CLPX: variants seen among roughly 807,000 people sequenced by gnomAD.
The protein encoded by CLPX is ATP-dependent clpX-like chaperone, mitochondrial.
Under a neutral mutation model 76.4 loss-of-function variants are expected in CLPX, and 34 were observed. That is an observed-to-expected ratio of 0.45 (90% CI 0.34 to 0.59). CLPX has a LOEUF of 0.59. Among genes scored for constraint, CLPX ranks in the 20% least tolerant of loss-of-function variants. The pLI is 0.01. For synonymous variants in CLPX, 248 were observed against 270.9 expected (o/e 0.92, Z 0.83); for missense variants, 613 against 757.0 (o/e 0.81, Z 2.23).
rs1354393485 is a variant in CLPX, at chr15:65,149,681, G to GA, written c.*1141dup. On this transcript the variant is annotated 3_prime_UTR_variant, in exon 14 of 14. Coordinates refer to ENST00000300107, the MANE Select transcript of CLPX (RefSeq NM_006660.5). ...TACAGACTAGCCTGGCCAACAGGGTGAAACCCTGTCTCTACTAAAAATACA... is the reference window on the plus strand; with the variant it reads ...TACAGACTAGCCTGGCCAACAGGGTGAAAACCCTGTCTCTACTAAAAATACA... The GA allele has an allele frequency of 2.8e-6, 1 of 355,608 alleles. No individual in the cohort carries two copies. The highest frequency in any genetic ancestry group is 5.4e-6 in the Non-Finnish European group (1 of 184,442). 22.0% of individuals were successfully genotyped at this position (355,608 alleles called of 1,614,324 possible).
rs763423264 is a variant in CLPX at position 65,185,124 on chromosome 15, G to A, written c.30C>T (p.Gly10=). Residue 10 remains glycine (G), a synonymous_variant, in exon 1 of 14, where the codon GGC becomes GGT. Transcript: ENST00000300107. The part of the protein sequence containing the change: MPSCGACTC[G]AAAVRLITSS... ...AGGTGATGAGCCGGACGGCCGCCGC[G>A]CCGCAAGTACAAGCACCGCAGCTGG... 1.1e-5 allele frequency: 17 copies of A among 1,579,230 alleles called. No individual in the cohort carries two copies. Among genetic ancestry groups the A allele is most frequent in the Admixed American group, 3.7e-5 (2 of 53,350 alleles).
In CLPX at chr15:65,185,100, G is replaced by A. The variant is rs139278933; in HGVS notation, c.54C>T (p.Thr18=). The change falls in exon 1 of 14, where the codon ACC becomes ACT. Residue 18 remains threonine (T), a synonymous_variant. Transcript: ENST00000300107. ...TCGAAAVRLI[T]SSLASAQRGI... ...CTCTCTGCGCGGAGGCGAGTGAGGA[G>A]GTGATGAGCCGGACGGCCGCCGCGC... 6 of 1,585,150 alleles carry A rather than the reference G, an allele frequency of 3.8e-6. No homozygotes were observed. The African/African-American group carries it at 4.0e-5, about 11-fold the overall frequency.
chr15:65,159,480 C>T lies in CLPX; in HGVS notation c.716-729G>A, dbSNP rs935254056. On this transcript the variant is annotated intron_variant, in intron 6 of 13. Coordinates refer to ENST00000300107, the MANE Select transcript of CLPX (RefSeq NM_006660.5). Reference sequence around the variant, plus strand: ...AAAAAATTAGCCAGATGTGATGGCACGCGCCTATAGTCCCAGCTACTTGGG... The same window carrying T: ...AAAAAATTAGCCAGATGTGATGGCATGCGCCTATAGTCCCAGCTACTTGGG... 2.0e-5 allele frequency among the ~76,000 whole-genome samples: 3 copies of T among 152,114 alleles called. No individual in the cohort carries two copies. The East Asian group carries it at 5.8e-4, about 29-fold the overall frequency.
chr15:65,165,931 T>G (rs1447177599), intron 4 of CLPX, among the ~76,000 whole-genome samples: 2 of 152,174 alleles, frequency 1.3e-5, no homozygotes, highest in Non-Finnish European at 2.9e-5. Flanking sequence ...AAAGATACAC[T>G]GAGGCAGTGA....
intron 4 of CLPX, 151 bp from the exon 5 acceptor site, chr15:65,164,339 G>A (rs2087885852): frequency 1.7e-6 from 1 of 571,982 alleles, no homozygotes; most frequent in South Asian, 2.4e-5. Flanking sequence ...ATATAGCAAT[G>A]ATTCAGAGGC....
chr15:65,164,806 G>C (rs1424971722), intron 4 of CLPX, among the ~76,000 whole-genome samples: 5 of 150,388 alleles, frequency 3.3e-5, no homozygotes. Flanking sequence ...TTTGATACAG[G>C]GTCTCACTGT....
intron 2 of CLPX, 113 bp from the exon 3 acceptor site, chr15:65,179,164 G>T: frequency 1.7e-6 from 1 of 575,154 alleles, no homozygotes. Context: ...TATATTTCTA[G>T]GATGAAATTA....
intron 1 of CLPX, among the ~76,000 whole-genome samples, chr15:65,180,902 T>C (rs1312461870): frequency 3.0e-5 from 4 of 131,446 alleles, no homozygotes; most frequent in African/African-American, 8.7e-5. Context: ...AGACTCCATC[T>C]CAAAAAAAAA....
chr15:65,156,888 C>T lies in CLPX; in HGVS notation c.1102G>A (p.Gly368Ser). Residue 368 changes from glycine (G) to serine (S), a missense_variant, in exon 9 of 14, where the codon GGC becomes AGC. Physicochemically the swap from Gly to Ser is moderately conservative, Grantham distance 56. Transcript: ENST00000300107. ...CCTACATCCCGTAATTGATGAATGC[C>T]TGGCACACTGCCAATCTTATCTACT... ...DEVDKIGSVPGIHQLRDVGGE... is the reference protein window; with the variant it reads ...DEVDKIGSVPSIHQLRDVGGE... The T allele has an allele frequency of 6.2e-7, 1 of 1,613,486 alleles. No individual in the cohort carries two copies. Among genetic ancestry groups the T allele is most frequent in the South Asian group, 1.1e-5 (1 of 90,994 alleles).
intron 12 of CLPX, among the ~76,000 whole-genome samples, chr15:65,153,148 TAAA>T (rs749248397): frequency 7.3e-6 from 1 of 137,458 alleles, no homozygotes; most frequent in Non-Finnish European, 1.6e-5. Flanking sequence ...CTACTGTGAC[TAAA>T]AAAAAAAAAA....
chr15:65,182,130 A>C (rs1042639323), intron 1 of CLPX, among the ~76,000 whole-genome samples: 1 of 151,590 alleles, frequency 6.6e-6, no homozygotes, highest in Admixed American at 6.6e-5. Context: ...AAAAAAAAAA[A>C]AAAGAAAGAA....
intron 1 of CLPX, among the ~76,000 whole-genome samples, chr15:65,181,841 G>C (rs1022256366): frequency 6.6e-6 from 1 of 151,274 alleles, no homozygotes; most frequent in Non-Finnish European, 1.5e-5. Flanking sequence ...GTAATTGAGG[G>C]GGCCAGGTGC....
intron 3 of CLPX, among the ~76,000 whole-genome samples, chr15:65,168,216 T>C (rs1217919255): frequency 6.7e-6 from 1 of 149,714 alleles, no homozygotes; most frequent in African/African-American, 2.5e-5. Flanking sequence ...AAACCCTGTC[T>C]CTACTAAAAA....
At chr15:65,156,227 A>C (rs2087787918) in intron 9 of CLPX, among the ~76,000 whole-genome samples, 1 of 152,200 alleles carries the variant, frequency 6.6e-6, no homozygotes, top group Non-Finnish European at 1.5e-5. Flanking sequence ...TCTTTCACAT[A>C]AATTAAAATT....
rs376695837 is a variant in CLPX, at chr15:65,185,126, C to G, written c.28G>C (p.Gly10Arg). The G allele has an allele frequency of 1.6e-5, 25 of 1,578,700 alleles. No individual in the cohort carries two copies. The highest frequency in any genetic ancestry group is 2.1e-5 in the Non-Finnish European group (24 of 1,162,856). The change falls in exon 1 of 14, where the codon GGC (glycine) becomes CGC (arginine). Residue 10 changes from glycine to arginine, a missense_variant. This residue lies in a region of CLPX where 163 missense variants were observed against 118.4 expected (regional missense o/e 1.38). Coordinates refer to ENST00000300107, the MANE Select transcript of CLPX (RefSeq NM_006660.5). MPSCGACTC[G>R]AAAVRLITSS... ...GTGATGAGCCGGACGGCCGCCGCGC[C>G]GCAAGTACAAGCACCGCAGCTGGGC...
At chr15:65,160,592 TTCTCTCTCTCTCTC>T (rs1226717522) in intron 6 of CLPX, among the ~76,000 whole-genome samples, 145 of 118,518 alleles carry the variant, frequency 1.2e-3, no homozygotes, top group South Asian at 8.1e-3. Flanking sequence ...CATTCACTCA[TTCTCTCTCTCTCTC>T]TCTCTCTCTC....
intron 4 of CLPX, among the ~76,000 whole-genome samples, chr15:65,165,375 ATTTTTTTTTTTT>A (rs34678725): frequency 1.4e-5 from 1 of 69,162 alleles, no homozygotes; most frequent in Non-Finnish European, 2.7e-5. Flanking sequence ...AACTGCCTGG[ATTTTTTTTTTTT>A]TTTTTTTTTT....
chr15:65,160,187 AAT>A (rs1388635441), intron 6 of CLPX, among the ~76,000 whole-genome samples: 1 of 152,232 alleles, frequency 6.6e-6, no homozygotes, highest in Non-Finnish European at 1.5e-5. Context: ...CTGATAGAAT[AAT>A]AGTTTGGCAG....
rs761213375 is a variant in CLPX, at chr15:65,166,614, G to A, written c.513+17C>T. On this transcript the variant is annotated intron_variant, in intron 4 of 13. Coordinates refer to ENST00000300107, the MANE Select transcript of CLPX (RefSeq NM_006660.5). ...TTCAAGATAAAATACTTGTAAGACT[G>A]AGCTTAAGACTTATACCTTCTTAGG... The A allele has an allele frequency of 2.5e-6, 4 of 1,611,152 alleles. No homozygotes were observed. The African/African-American group carries it at 4.0e-5, about 16-fold the overall frequency.
Sources: gnomAD v4.1 joint callset for allele counts (sites outside exome capture counted in the v4.1 genomes callset) on GRCh38, gnomAD v4.1.1 for gene constraint, gnomAD v4.1.1 regional missense constraint, MANE v1.5 for transcripts, NCBI Gene and HGNC (gene_info 2026-07-23, HGNC 2026-07-21) for gene names.